Variants in DOCK2 observed in about 807,000 individuals in gnomAD.
DOCK2 encodes dedicator of cytokinesis protein 2.
In DOCK2, 87 loss-of-function variants were observed where a neutral mutation model predicts 248.9. That is an observed-to-expected ratio of 0.35 (90% confidence interval 0.29 to 0.42). The LOEUF is 0.42. Ranked by LOEUF, DOCK2 falls within the 10% of genes least tolerant of loss-of-function variation. The pLI, the probability that DOCK2 is intolerant of heterozygous loss-of-function variation, is 1.00. For missense variants in DOCK2, 1,747 were observed against 2,300.2 expected, an observed-to-expected ratio of 0.76 and a Z score of 4.92; for synonymous variants, 805 against 821.6, an observed-to-expected ratio of 0.98 and a Z score of 0.35.
At position 169,702,402 on chromosome 5, in the gene DOCK2, G is replaced by A. The variant is rs768028446; in HGVS notation, c.1358G>A (p.Cys453Tyr). ...QRNVEVIMCV[C>Y]AEDGKTLPNA... ...AATGTGGAAGTCATCATGTGTGTGT[G>A]CGCGGAGGATGGCAAAACGCTGCCT... Residue 453 changes from cysteine to tyrosine, a missense_variant, in exon 14 of 52, where the codon TGC becomes TAC. By Grantham distance (194) the Cys-to-Tyr change is radical (BLOSUM62 -2). Coordinates refer to ENST00000520908, the MANE Select transcript of DOCK2 (RefSeq NM_004946.3). The A allele has an allele frequency of 6.2e-7, 1 of 1,613,948 alleles. No homozygotes were observed. The highest frequency in any genetic ancestry group is 8.5e-7 in the Non-Finnish European group (1 of 1,179,866).
chr5:169,705,998 T>A (rs957207549), intron 14 of DOCK2, among the ~76,000 whole-genome samples: 1 of 152,248 alleles, frequency 6.6e-6, no homozygotes, highest in Non-Finnish European at 1.5e-5. Flanking sequence ...CAGTGTTATT[T>A]GAGATATATA....
At chr5:170,027,060 T>A (rs990138480) in intron 33 of DOCK2, among the ~76,000 whole-genome samples, 59 of 118,792 alleles carry the variant, frequency 5.0e-4, no homozygotes, top group Non-Finnish European at 9.6e-4. Flanking sequence ...TTCCCCTCTC[T>A]GCTTGCCCTG....
intron 44 of DOCK2, among the ~76,000 whole-genome samples, chr5:170,061,222 G>A (rs1757316571): frequency 6.6e-6 from 1 of 152,128 alleles, no homozygotes; most frequent in Non-Finnish European, 1.5e-5. Context: ...TAAAGAAACT[G>A]AGGCTCAGCT....
chr5:170,038,712 T>G (rs1017899082), intron 36 of DOCK2, among the ~76,000 whole-genome samples: 3 of 152,180 alleles, frequency 2.0e-5, no homozygotes, highest in African/African-American at 7.2e-5. Flanking sequence ...TATCCCTGGT[T>G]GAGGGACGTC....
chr5:169,747,823 C>T lies in DOCK2; in HGVS notation c.2376+319C>T, dbSNP rs531317749. 8.5e-5 allele frequency among the ~76,000 whole-genome samples: 13 copies of T among 152,298 alleles called. No homozygotes were observed. The South Asian group carries it at 1.4e-3, about 17-fold the overall frequency. On this transcript the variant is annotated intron_variant, in intron 23 of 51. Transcript: ENST00000520908. The stretch of plus-strand genomic sequence containing the variant: ...AGTCTCTTAAACTGAGTTTAATTCT[C>T]GACAACATAAAGTCAGGGACCCTTT...
At chr5:169,756,041 C>G (rs1581145114) in intron 23 of DOCK2, among the ~76,000 whole-genome samples, 1 of 152,186 alleles carries the variant, frequency 6.6e-6, no homozygotes, top group East Asian at 1.9e-4. Context: ...ACAGGCCTGC[C>G]ACTTCTCTGT....
At chr5:169,669,984 A>C (rs1261171597) in intron 3 of DOCK2, among the ~76,000 whole-genome samples, 1 of 152,178 alleles carries the variant, frequency 6.6e-6, no homozygotes, top group East Asian at 1.9e-4. Flanking sequence ...GTCGGGAGGG[A>C]TGGTCCTATT....
At chr5:170,034,012 A>C (rs143887061) in intron 34 of DOCK2, among the ~76,000 whole-genome samples, 142 of 152,250 alleles carry the variant, frequency 9.3e-4, no homozygotes, top group Admixed American at 2.2e-3. Context: ...CATACTTCTG[A>C]GAATATTTCT....
intron 6 of DOCK2, among the ~76,000 whole-genome samples, chr5:169,680,459 A>G (rs1759599047): frequency 6.6e-6 from 1 of 152,220 alleles, no homozygotes; most frequent in African/African-American, 2.4e-5. Context: ...AGCTGTGGGT[A>G]ACAGTCAACA....
At chr5:169,637,481 A>G (rs1756890198) in intron 1 of DOCK2, 112 bp downstream of exon 1, 2 of 1,186,778 alleles carry the variant, frequency 1.7e-6, no homozygotes, top group Non-Finnish European at 2.1e-6. Context: ...CGCTGCCTGC[A>G]GGTCAGAGGG....
chr5:169,878,022 GT>G (rs1176827996), intron 27 of DOCK2, among the ~76,000 whole-genome samples: 1 of 152,200 alleles, frequency 6.6e-6, no homozygotes, highest in Non-Finnish European at 1.5e-5. Context: ...AAACCAAGCA[GT>G]TTTTTCCTGG....
chr5:169,910,485 G>T (rs1581402021), intron 27 of DOCK2, among the ~76,000 whole-genome samples: 3 of 152,218 alleles, frequency 2.0e-5, no homozygotes, highest in Admixed American at 2.0e-4. Context: ...GTGGTTGGAG[G>T]CGTGCTTACC....
intron 1 of DOCK2, among the ~76,000 whole-genome samples, chr5:169,649,076 G>A (rs1757649001): frequency 6.6e-6 from 1 of 152,218 alleles, no homozygotes; most frequent in Non-Finnish European, 1.5e-5. Context: ...ATTTCGATGA[G>A]CGCATTTCAC....
At position 169,781,494 on chromosome 5, in the gene DOCK2, G is replaced by C. The variant is rs1765713064; in HGVS notation, c.2554+19869G>C. On this transcript the variant is annotated intron_variant, in intron 25 of 51. Transcript: ENST00000520908. ...CCTGTTCATCTCTGACAGTCAGCCAGTCTCTGTTGCCAGGACAGCATAGAA... is the reference window on the plus strand; with the variant it reads ...CCTGTTCATCTCTGACAGTCAGCCACTCTCTGTTGCCAGGACAGCATAGAA... Among the ~76,000 whole-genome samples, 3 of 152,328 alleles carry C rather than the reference G, an allele frequency of 2.0e-5. No individual in the cohort carries two copies. In the South Asian group the frequency reaches 6.2e-4, roughly 32 times the overall value.
At chr5:169,818,022 G>A (rs1382800118) in intron 26 of DOCK2, among the ~76,000 whole-genome samples, 1 of 152,114 alleles carries the variant, frequency 6.6e-6, no homozygotes, top group East Asian at 1.9e-4. Context: ...GTACTGCTGG[G>A]CTCCCAAAGT....
chr5:170,011,375 C>G (rs946948214), intron 32 of DOCK2, among the ~76,000 whole-genome samples: 20 of 152,182 alleles, frequency 1.3e-4, no homozygotes, highest in African/African-American at 4.6e-4. Flanking sequence ...GGTCAAGCAC[C>G]TTAGCCAGAG....
Position 169,970,995 on chromosome 5 carries a change from CG to C in DOCK2, c.2800-12067del, listed in dbSNP as rs754709616. ...TCCAAGACAGGGGAGGGTGGGGCAG[CG>C]GGGGGAGGACCTGCGTTCATGCCAA... On this transcript the variant is annotated intron_variant, in intron 27 of 51. Coordinates refer to ENST00000520908, the MANE Select transcript of DOCK2 (RefSeq NM_004946.3). Among the ~76,000 whole-genome samples, 15 of 151,634 alleles carry C rather than the reference CG, an allele frequency of 9.9e-5. No individual in the cohort carries two copies. The South Asian group carries it at 3.1e-3, about 32-fold the overall frequency.
At chr5:170,056,838 C>A in intron 43 of DOCK2, 70 bp downstream of exon 43, 1 of 1,406,688 alleles carries the variant, frequency 7.1e-7, no homozygotes, top group Non-Finnish European at 9.9e-7. Context: ...CATCGGCCAG[C>A]CTCAGAATGG....
At chr5:169,704,880 T>G (rs1274606817) in intron 14 of DOCK2, among the ~76,000 whole-genome samples, 1 of 152,052 alleles carries the variant, frequency 6.6e-6, no homozygotes, top group African/African-American at 2.4e-5. Flanking sequence ...ATAAACATGC[T>G]GCTGGGCACA....
Sources: allele counts gnomAD v4.1 joint callset (sites outside exome capture counted in the v4.1 genomes callset), GRCh38; gene constraint gnomAD v4.1.1; transcripts MANE v1.5; gene names NCBI Gene and HGNC (gene_info 2026-07-23, HGNC 2026-07-21).